The following PPP1R12A variants were observed in gnomAD, a reference collection of about 807,000 sequenced individuals.
PPP1R12A encodes protein phosphatase 1 regulatory subunit 12A, also known as myosin binding subunit.
PPP1R12A carries 19 observed loss-of-function variants against 139.6 expected under a neutral mutation model. The observed-to-expected ratio is 0.14, with a 90% CI of 0.09 to 0.20. PPP1R12A has a LOEUF of 0.20. PPP1R12A is among the 10% of genes least tolerant of loss of function. The pLI is 1.00. For missense variants in PPP1R12A, 925 were observed against 1,211.5 expected (o/e 0.76, Z 3.51); for synonymous variants, 427 against 420.6 (o/e 1.02, Z -0.19).
intron 9 of PPP1R12A, 52 bp downstream of exon 9, chr12:79,817,342 G>A: frequency 2.0e-6 from 3 of 1,534,218 alleles, no homozygotes; most frequent in Non-Finnish European, 2.7e-6. Flanking sequence ...GTTAGTCCAA[G>A]TGGTACATAA....
intron 4 of PPP1R12A, among the ~76,000 whole-genome samples, chr12:79,828,846 G>C (rs567972782): frequency 9.9e-5 from 15 of 152,126 alleles, no homozygotes; most frequent in African/African-American, 3.6e-4. Context: ...ATTTATTGCA[G>C]GAACTATCAT....
rs183667042 is a variant in PPP1R12A at position 79,847,445 on chromosome 12, A to G, written c.369-2025T>C. Among the ~76,000 whole-genome samples the G allele has an allele frequency of 4.5e-3, 687 of 152,332 alleles. 4 individuals are homozygous for G. Among genetic ancestry groups the G allele is most frequent in the Non-Finnish European group, 6.1e-3 (416 of 68,014 alleles). ...TTTAATTTGTATTTCCTGATTACAC[A>G]TGAGACTGAAAATATTTAGATATAT... On this transcript the variant is annotated intron_variant, in intron 2 of 24. Coordinates refer to ENST00000450142, the MANE Select transcript of PPP1R12A (RefSeq NM_002480.3).
At chr12:79,829,783 T>G (rs562211418) in intron 4 of PPP1R12A, among the ~76,000 whole-genome samples, 1 of 152,086 alleles carries the variant, frequency 6.6e-6, no homozygotes, top group Non-Finnish European at 1.5e-5. Context: ...ATGTTAAATA[T>G]GCTGAGCAAC....
intron 23 of PPP1R12A, chr12:79,779,971 AGGTGAAAG>A (rs1164238370): frequency 6.5e-6 from 1 of 152,752 alleles, no homozygotes; most frequent in Non-Finnish European, 1.5e-5. Context: ...TGGGAGGCCT[AGGTGAAAG>A]GATGCATAAA....
At chr12:79,833,832 G>T (rs2137160863) in intron 3 of PPP1R12A, among the ~76,000 whole-genome samples, 1 of 117,238 alleles carries the variant, frequency 8.5e-6, no homozygotes, top group African/African-American at 3.0e-5. Context: ...GTGAGACTTT[G>T]CCTCAAAGAA....
At chr12:79,794,137 AG>A (rs1872222248) in intron 18 of PPP1R12A, among the ~76,000 whole-genome samples, 1 of 152,158 alleles carries the variant, frequency 6.6e-6, no homozygotes, top group South Asian at 2.1e-4. Flanking sequence ...TACTGGGGGT[AG>A]GGCTCATTAT....
intron 14 of PPP1R12A, among the ~76,000 whole-genome samples, chr12:79,800,433 C>CT (rs915605279): frequency 4.9e-4 from 75 of 152,188 alleles, no homozygotes; most frequent in African/African-American, 1.6e-3. Flanking sequence ...CTCTAGCTAG[C>CT]TTTATAGTAA....
At chr12:79,917,978 C>A (rs1887134725) in intron 1 of PPP1R12A, among the ~76,000 whole-genome samples, 1 of 151,850 alleles carries the variant, frequency 6.6e-6, no homozygotes, top group African/African-American at 2.4e-5. Context: ...TTACTACTAC[C>A]ACTCCTTTAT....
chr12:79,892,936 T>C (rs1884794757), intron 1 of PPP1R12A, among the ~76,000 whole-genome samples: 1 of 151,986 alleles, frequency 6.6e-6, no homozygotes, highest in Admixed American at 6.6e-5. Context: ...AAACCCCGTC[T>C]CTACTAAAAA....
chr12:79,906,856 G>A lies in PPP1R12A; in HGVS notation c.237+27839C>T, dbSNP rs373858317. Among the ~76,000 whole-genome samples, 21 of 152,142 alleles carry A rather than the reference G, an allele frequency of 1.4e-4. 1 individual carries two copies. The highest frequency in any genetic ancestry group is 1.4e-3 in the East Asian group (7 of 5,170). On this transcript the variant is annotated intron_variant, in intron 1 of 24. Coordinates refer to ENST00000450142, the MANE Select transcript of PPP1R12A (RefSeq NM_002480.3). The stretch of plus-strand genomic sequence containing the variant: ...AGAAAGGATTTCGCCATGTTGACCC[G>A]GCTGGTCTCGAACTCCTGACCTCAA...
chr12:79,820,937 A>G lies in PPP1R12A; in HGVS notation c.957-6T>C. 6.2e-7 allele frequency: 1 copy of G among 1,612,814 alleles called. No individual in the cohort carries two copies. The highest frequency in any genetic ancestry group is 1.1e-5 in the South Asian group (1 of 91,034). ...CAATAATCAACGTCTCTTTGCTGTT[A>G]AAGGAAAACAGTGTTCAAATGATTA... On this transcript the variant is annotated splice_polypyrimidine_tract_variant and splice_region_variant and intron_variant, in intron 7 of 24. Coordinates refer to ENST00000450142, the MANE Select transcript of PPP1R12A (RefSeq NM_002480.3).
At chr12:79,790,284 C>T (rs1264451659) in intron 20 of PPP1R12A, among the ~76,000 whole-genome samples, 183 bp downstream of exon 20, 1 of 152,074 alleles carries the variant, frequency 6.6e-6, no homozygotes, top group East Asian at 1.9e-4. Context: ...CTTGCTCTGA[C>T]TAGTGATCTT....
In PPP1R12A at chr12:79,934,865, C is replaced by T. The variant is rs759538484; in HGVS notation, c.67G>A (p.Asp23Asn). ...QLKRWIGSET[D>N]LEPPVVKRQK... ...CGCTTCACCACCGGAGGCTCGAGGT[C>T]CGTCTCGGAGCCGATCCAGCGTTTC... Residue 23 changes from aspartate to asparagine, a missense_variant, in exon 1 of 25, where the codon GAC (aspartate) becomes AAC (asparagine). Physicochemically the swap from Asp to Asn is conservative, Grantham distance 23. Transcript: ENST00000450142. 6.2e-7 allele frequency: 1 copy of T among 1,611,720 alleles called. No homozygotes were observed. The highest frequency in any genetic ancestry group is 1.1e-5 in the South Asian group (1 of 90,458).
intron 9 of PPP1R12A, among the ~76,000 whole-genome samples, chr12:79,811,133 T>C (rs1056063398): frequency 3.3e-5 from 5 of 152,144 alleles, no homozygotes; most frequent in African/African-American, 1.2e-4. Context: ...GCCACAAGCA[T>C]AGGGTATTAA....
rs551950970 is a variant in PPP1R12A at position 79,905,387 on chromosome 12, T to C, written c.237+29308A>G. On this transcript the variant is annotated intron_variant, in intron 1 of 24. Coordinates refer to ENST00000450142, the MANE Select transcript of PPP1R12A (RefSeq NM_002480.3). ...TGAAGGAGAGGCATCCAAATCTGTT[T>C]CCCTGTCATTTCTGGCAATCATTTT... Among the ~76,000 whole-genome samples the C allele has an allele frequency of 1.8e-4, 24 of 131,380 alleles. No homozygotes were observed. The East Asian group carries it at 5.4e-3, about 30-fold the overall frequency. The allele number at this position is 131,380 out of a possible 152,430, so 86.2% of individuals were successfully genotyped here.
chr12:79,907,385 T>C (rs1213176877), intron 1 of PPP1R12A, among the ~76,000 whole-genome samples: 3 of 152,146 alleles, frequency 2.0e-5, no homozygotes, highest in African/African-American at 7.2e-5. Flanking sequence ...GAAAAACTTC[T>C]GAGTGTCCTA....
chr12:79,793,375 T>C (rs1872128398), intron 19 of PPP1R12A, among the ~76,000 whole-genome samples: 1 of 152,160 alleles, frequency 6.6e-6, no homozygotes, highest in East Asian at 1.9e-4. Context: ...TCTAAATATA[T>C]GTAAAAGAAA....
intron 9 of PPP1R12A, among the ~76,000 whole-genome samples, chr12:79,814,844 C>G (rs1193199483): frequency 8.8e-6 from 1 of 113,814 alleles, no homozygotes; most frequent in Non-Finnish European, 1.9e-5. Flanking sequence ...AAAAAAAATT[C>G]AAAATTTTTA....
chr12:79,899,141 T>A (rs1885393394), intron 1 of PPP1R12A, among the ~76,000 whole-genome samples: 1 of 90,128 alleles, frequency 1.1e-5, no homozygotes, highest in Non-Finnish European at 3.1e-5. Flanking sequence ...TCTCCCTAAA[T>A]AACTCAGCAT....
Sources: allele counts gnomAD v4.1 joint callset (sites outside exome capture counted in the v4.1 genomes callset), GRCh38; gene constraint gnomAD v4.1.1; transcripts MANE v1.5; gene names NCBI Gene and HGNC (gene_info 2026-07-23, HGNC 2026-07-21).